FHIT: variants seen among roughly 807,000 people sequenced by gnomAD.
FHIT encodes bis(5'-adenosyl)-triphosphatase.
FHIT carries 19 observed loss-of-function variants against 17.9 expected under a neutral mutation model. The observed-to-expected ratio is 1.06, with a 90% CI of 0.74 to 1.56. FHIT has a LOEUF of 1.56. Among genes scored for constraint, FHIT ranks in the 40% most tolerant of loss-of-function variants. FHIT has a pLI of 0.00. For missense variants in FHIT, 248 were observed against 189.2 expected, an observed-to-expected ratio of 1.31 and a Z score of -1.82; for synonymous variants, 81 against 69.7, an observed-to-expected ratio of 1.16 and a Z score of -0.81.
chr3:60,045,198 T>C (rs1044827094), intron 5 of FHIT, among the ~76,000 whole-genome samples: 2 of 152,150 alleles, frequency 1.3e-5, no homozygotes, highest in African/African-American at 4.8e-5. Flanking sequence ...GTTAAAATGA[T>C]GTATTATTCC....
chr3:61,131,789 A>C (rs2106957736), intron 2 of FHIT, among the ~76,000 whole-genome samples: 1 of 152,340 alleles, frequency 6.6e-6, no homozygotes, highest in African/African-American at 2.4e-5. Context: ...AATTCTTTAA[A>C]GGTTAGTGGT....
chr3:61,210,185 AC>A (rs1351855131), intron 1 of FHIT, among the ~76,000 whole-genome samples: 2 of 152,108 alleles, frequency 1.3e-5, no homozygotes, highest in African/African-American at 4.8e-5. Flanking sequence ...TCAGAGGAGT[AC>A]CCGGCCGTGT....
chr3:60,422,990 A>T (rs985925720), intron 5 of FHIT, among the ~76,000 whole-genome samples: 28 of 152,172 alleles, frequency 1.8e-4, no homozygotes, highest in African/African-American at 6.3e-4. Flanking sequence ...ATTTTTAAAA[A>T]TGTTATAATA....
intron 2 of FHIT, among the ~76,000 whole-genome samples, chr3:61,161,585 T>A (rs1439946981): frequency 6.6e-6 from 1 of 152,240 alleles, no homozygotes; most frequent in African/African-American, 2.4e-5. Context: ...CTATCGCCTA[T>A]AGGCAACTTT....
At chr3:60,391,562 T>G (rs1250685789) in intron 5 of FHIT, among the ~76,000 whole-genome samples, 1 of 152,156 alleles carries the variant, frequency 6.6e-6, no homozygotes, top group African/African-American at 2.4e-5. Context: ...GTCTACCATT[T>G]TTTACTTCTT....
At chr3:60,628,600 TC>T (rs1271146220) in intron 4 of FHIT, among the ~76,000 whole-genome samples, 1 of 152,220 alleles carries the variant, frequency 6.6e-6, no homozygotes, top group Non-Finnish European at 1.5e-5. Context: ...GGCCAATTTT[TC>T]GTTACTCCAG....
chr3:60,176,995 A>G (rs938020044), intron 5 of FHIT, among the ~76,000 whole-genome samples: 18 of 152,138 alleles, frequency 1.2e-4, no homozygotes, highest in African/African-American at 4.3e-4. Context: ...AAACAGGAAG[A>G]AAAAATACAA....
intron 8 of FHIT, among the ~76,000 whole-genome samples, chr3:59,853,812 C>T (rs570235559): frequency 3.3e-5 from 5 of 152,162 alleles, no homozygotes; most frequent in Non-Finnish European, 5.9e-5. Context: ...TAGCTAATTT[C>T]CATAAACTAT....
intron 3 of FHIT, among the ~76,000 whole-genome samples, chr3:61,006,626 A>C (rs2031470398): frequency 6.7e-6 from 1 of 148,934 alleles, no homozygotes; most frequent in Non-Finnish European, 1.5e-5. Flanking sequence ...TTTTTTTACA[A>C]TTAACTGCAT....
intron 5 of FHIT, among the ~76,000 whole-genome samples, chr3:60,512,073 T>A (rs1038694512): frequency 6.6e-6 from 1 of 152,104 alleles, no homozygotes; most frequent in Non-Finnish European, 1.5e-5. Flanking sequence ...AAAGCTAACA[T>A]CTTATATATC....
intron 2 of FHIT, among the ~76,000 whole-genome samples, chr3:61,102,574 G>A (rs2035865992): frequency 6.6e-6 from 1 of 152,200 alleles, no homozygotes. Context: ...CTCATAAAAT[G>A]AGTTAGGGAG....
chr3:59,994,438 T>A (rs910738312), intron 7 of FHIT, among the ~76,000 whole-genome samples: 2 of 152,014 alleles, frequency 1.3e-5, no homozygotes, highest in Non-Finnish European at 2.9e-5. Context: ...GCCAAAGAAC[T>A]CATTCTTCCC....
chr3:60,082,047 T>C (rs1396593473), intron 5 of FHIT, among the ~76,000 whole-genome samples: 1 of 152,094 alleles, frequency 6.6e-6, no homozygotes, highest in Non-Finnish European at 1.5e-5. Flanking sequence ...ATGCTCATGT[T>C]TGGGGTATGA....
intron 5 of FHIT, among the ~76,000 whole-genome samples, chr3:60,461,450 A>ATATGCCAT (rs2032459568): frequency 6.6e-6 from 1 of 151,266 alleles, no homozygotes; most frequent in Admixed American, 6.6e-5. Flanking sequence ...TAATAAAACA[A>ATATGCCAT]TATGTCATCT....
chr3:60,521,231 C>T (rs568665140), intron 5 of FHIT, among the ~76,000 whole-genome samples: 2 of 144,090 alleles, frequency 1.4e-5, no homozygotes, highest in African/African-American at 2.6e-5. Flanking sequence ...GGATAATGGA[C>T]AATAAAAAAA....
chr3:59,957,153 G>C (rs1707445989), intron 7 of FHIT, among the ~76,000 whole-genome samples: 1 of 152,184 alleles, frequency 6.6e-6, no homozygotes, highest in African/African-American at 2.4e-5. Context: ...CTCTCAATGT[G>C]ACTTTAATTG....
intron 5 of FHIT, among the ~76,000 whole-genome samples, chr3:60,437,210 G>A (rs780399761): frequency 1.4e-4 from 21 of 152,166 alleles, no homozygotes; most frequent in Non-Finnish European, 2.8e-4. Context: ...TAAATAAATC[G>A]TAGACATGTG....
At chr3:60,218,882 T>TAA in intron 5 of FHIT, among the ~76,000 whole-genome samples, 1 of 151,894 alleles carries the variant, frequency 6.6e-6, no homozygotes, top group Non-Finnish European at 1.5e-5. Context: ...CATACATACA[T>TAA]ATATACATAC....
intron 4 of FHIT, among the ~76,000 whole-genome samples, chr3:60,601,180 T>TACAG (rs1207604636): frequency 2.0e-5 from 3 of 152,182 alleles, no homozygotes; most frequent in African/African-American, 7.2e-5. Context: ...TCTCGGAAGA[T>TACAG]ACAGCAGGGA....
Sources: allele counts gnomAD v4.1 joint callset (sites outside exome capture counted in the v4.1 genomes callset), GRCh38; gene constraint gnomAD v4.1.1; transcripts MANE v1.5; gene names NCBI Gene and HGNC (gene_info 2026-07-23, HGNC 2026-07-21).